Variants in PNPT1 observed in about 807,000 individuals in gnomAD.
The protein encoded by PNPT1 is polyribonucleotide nucleotidyltransferase 1, mitochondrial.
A neutral mutation model predicts 119.5 loss-of-function variants in PNPT1; 53 were observed. The observed-to-expected ratio is 0.44, with a 90% CI of 0.36 to 0.56. PNPT1 has a LOEUF of 0.56. PNPT1 is among the 20% of genes least tolerant of loss of function. The pLI is 0.00. For synonymous variants in PNPT1, 357 were observed against 322.1 expected (o/e 1.11, Z -1.16); for missense variants, 948 against 938.5 (o/e 1.01, Z -0.13).
intron 8 of PNPT1, among the ~76,000 whole-genome samples, chr2:55,675,132 C>T (rs1274201226): frequency 1.3e-5 from 2 of 151,812 alleles, no homozygotes; most frequent in African/African-American, 4.8e-5. Context: ...AACTCAGCTG[C>T]GGTGGTGTGC....
intron 8 of PNPT1, 85 bp downstream of exon 8, chr2:55,679,597 C>G: frequency 1.0e-6 from 1 of 976,146 alleles, no homozygotes; most frequent in Non-Finnish European, 1.6e-6. Flanking sequence ...ACCGACAAAA[C>G]ATACACACAG....
intron 14 of PNPT1, among the ~76,000 whole-genome samples, chr2:55,660,795 G>A (rs538388768): frequency 6.6e-6 from 1 of 152,206 alleles, no homozygotes; most frequent in South Asian, 2.1e-4. Context: ...ACAGGTTATA[G>A]ACCTAAGACT....
At chr2:55,647,694 G>GT (rs924396379) in intron 18 of PNPT1, among the ~76,000 whole-genome samples, 26 of 152,070 alleles carry the variant, frequency 1.7e-4, no homozygotes, top group African/African-American at 5.8e-4. Flanking sequence ...TAATTTGCTT[G>GT]TATTTTTAGT....
At chr2:55,659,639 TTATCTC>T (rs1696499751) in intron 15 of PNPT1, among the ~76,000 whole-genome samples, 1 of 152,056 alleles carries the variant, frequency 6.6e-6, no homozygotes, top group South Asian at 2.1e-4. Flanking sequence ...TACTTATCTC[TTATCTC>T]TCTAAAGTAG....
At chr2:55,671,477 TTTCTTTAATA>T in intron 10 of PNPT1, 101 bp from the exon 11 acceptor site, 2 of 640,754 alleles carry the variant, frequency 3.1e-6, no homozygotes, top group Admixed American at 3.5e-5. Context: ...ATTACTCTGA[TTTCTTTAATA>T]TTCTTTAAAA....
chr2:55,652,041 T>C (rs1024775605), intron 18 of PNPT1, among the ~76,000 whole-genome samples: 2 of 152,214 alleles, frequency 1.3e-5, no homozygotes, highest in African/African-American at 4.8e-5. Context: ...CTGCTCCTAA[T>C]ATGCCCAGTC....
chr2:55,645,598 T>C (rs1695971579), intron 21 of PNPT1, among the ~76,000 whole-genome samples, 166 bp from the exon 22 acceptor site: 1 of 152,238 alleles, frequency 6.6e-6, no homozygotes, highest in African/African-American at 2.4e-5. Flanking sequence ...TCTCCAAAAA[T>C]CCCATCTTAA....
At position 55,693,647 on chromosome 2, in the gene PNPT1, G is replaced by C; in HGVS notation, c.161+16C>G. ...GACACCTTATGACAATACAGTGAAC[G>C]CACGTCACTCCTTACCTGTTGCCTA... is the stretch of plus-strand genomic sequence containing the variant. On this transcript the variant is annotated intron_variant, in intron 1 of 27. Transcript: ENST00000447944. 6.2e-7 allele frequency: 1 copy of C among 1,613,668 alleles called. No individual in the cohort carries two copies. Among genetic ancestry groups the C allele is most frequent in the Non-Finnish European group, 8.5e-7 (1 of 1,179,664 alleles).
At chr2:55,666,773 T>G (rs990369717) in intron 13 of PNPT1, among the ~76,000 whole-genome samples, 2 of 152,160 alleles carry the variant, frequency 1.3e-5, no homozygotes, top group Non-Finnish European at 2.9e-5. Flanking sequence ...GTCCAGGAGT[T>G]AGAGGTTTCA....
chr2:55,690,659 G>T (rs1210114876), intron 1 of PNPT1, among the ~76,000 whole-genome samples: 1 of 152,114 alleles, frequency 6.6e-6, no homozygotes, highest in Non-Finnish European at 1.5e-5. Flanking sequence ...TAAATACAAT[G>T]ATTTTGTAGT....
chr2:55,639,882 T>A (rs1313779211), intron 26 of PNPT1, among the ~76,000 whole-genome samples: 2 of 152,184 alleles, frequency 1.3e-5, no homozygotes, highest in African/African-American at 4.8e-5. Flanking sequence ...TCCTACCACC[T>A]TTTTTAAAAA....
intron 26 of PNPT1, among the ~76,000 whole-genome samples, chr2:55,639,575 A>G (rs1386508210): frequency 2.0e-5 from 3 of 152,158 alleles, no homozygotes. Context: ...TTTTTATAAA[A>G]ATAATTTGTT....
intron 9 of PNPT1, 101 bp downstream of exon 9, chr2:55,672,792 T>G (rs1379168668): frequency 5.4e-6 from 6 of 1,105,334 alleles, no homozygotes; most frequent in East Asian, 5.0e-5. Context: ...GTGCTATTTA[T>G]GAAGTAATGC....
intron 13 of PNPT1, among the ~76,000 whole-genome samples, chr2:55,662,992 T>G (rs1306820107): frequency 2.6e-5 from 4 of 151,792 alleles, no homozygotes; most frequent in African/African-American, 9.7e-5. Context: ...ACGATTCTCC[T>G]ACCTCAGCCT....
At chr2:55,657,294 A>C (rs1214634674) in intron 15 of PNPT1, among the ~76,000 whole-genome samples, 2 of 152,036 alleles carry the variant, frequency 1.3e-5, no homozygotes, top group Non-Finnish European at 2.9e-5. Flanking sequence ...GCACCACTGC[A>C]CTTCAGCCTG....
chr2:55,663,861 T>C (rs1340401813), intron 13 of PNPT1, among the ~76,000 whole-genome samples: 1 of 152,020 alleles, frequency 6.6e-6, no homozygotes, highest in East Asian at 1.9e-4. Flanking sequence ...CAGCCGCCTA[T>C]AGTCCCAGCT....
chr2:55,688,337 G>C (rs192306637), intron 1 of PNPT1, among the ~76,000 whole-genome samples: 1 of 152,202 alleles, frequency 6.6e-6, no homozygotes, highest in Admixed American at 6.5e-5. Context: ...ACTGTGCCTG[G>C]CTCCATTTAC....
chr2:55,643,704 A>T (rs2104027588), intron 23 of PNPT1, among the ~76,000 whole-genome samples: 1 of 151,084 alleles, frequency 6.6e-6, no homozygotes, highest in Admixed American at 6.6e-5. Flanking sequence ...TGTGTACTGC[A>T]CTCCAGTCTG....
chr2:55,648,637 C>G (rs1160933526), intron 18 of PNPT1, among the ~76,000 whole-genome samples: 2 of 152,162 alleles, frequency 1.3e-5, no homozygotes, highest in Non-Finnish European at 2.9e-5. Context: ...ACTCCCTGTT[C>G]ATGGCCTTCA....
Sources: gnomAD v4.1 joint callset for allele counts (sites outside exome capture counted in the v4.1 genomes callset) on GRCh38, gnomAD v4.1.1 for gene constraint, MANE v1.5 for transcripts, NCBI Gene and HGNC (gene_info 2026-07-23, HGNC 2026-07-21) for gene names.